The following SAG variants were observed in gnomAD, a reference collection of about 807,000 sequenced individuals.
SAG encodes S-antigen visual arrestin, also known as S-arrestin.
Under a neutral mutation model 55.0 loss-of-function variants are expected in SAG, and 45 were observed. That is an observed-to-expected ratio of 0.82 (90% CI 0.64 to 1.05). The LOEUF (loss-of-function observed/expected upper bound fraction) is 1.05, where lower values mean the gene tolerates loss of function less well. Among genes scored for constraint, SAG ranks in the 50% least tolerant of loss-of-function variants. The probability of loss-of-function intolerance (pLI) is 0.00; values close to 1 mark genes in which losing one functional copy is unlikely to be tolerated. For synonymous variants in SAG, 189 were observed against 197.4 expected, an observed-to-expected ratio of 0.96 and a Z score of 0.36; for missense variants, 455 against 512.1, an observed-to-expected ratio of 0.89 and a Z score of 1.08.
rs79922016 is a variant in SAG, at chr2:233,320,679, C to T, written c.231C>T (p.Asp77=). The change falls in exon 5 of 16, where the codon GAC becomes GAT. Residue 77 remains aspartate (D), a synonymous_variant. Coordinates refer to ENST00000409110, the MANE Select transcript of SAG (RefSeq NM_000541.5). ...CAFRYGQEDI[D]VIGLTFRRDL... ...TCCGCTATGGCCAAGAGGACATTGACGTGATCGGCTTGACCTTCCGCAGGG... is the reference window on the plus strand; with the variant it reads ...TCCGCTATGGCCAAGAGGACATTGATGTGATCGGCTTGACCTTCCGCAGGG... 1.0e-3 allele frequency: 1,613 copies of T among 1,607,144 alleles called. 13 individuals are homozygous for T. The African/African-American group carries it at 0.017, about 17-fold the overall frequency.
intron 2 of SAG, among the ~76,000 whole-genome samples, chr2:233,314,689 T>C (rs73114295): frequency 0.077 from 11,766 of 152,226 alleles, 1,259 homozygotes; most frequent in African/African-American, 0.24. Context: ...GTATAAGGTT[T>C]CCTACGGAAT....
intron 8 of SAG, 34 bp from the exon 9 acceptor site, chr2:233,329,459 T>C: frequency 7.5e-7 from 1 of 1,327,262 alleles, no homozygotes; most frequent in Non-Finnish European, 1.1e-6. Context: ...CCACATCTGT[T>C]CTCTTCTTCT....
intron 13 of SAG, 36 bp from the exon 14 acceptor site, chr2:233,342,235 T>C (rs1462037012): frequency 3.3e-6 from 5 of 1,521,032 alleles, no homozygotes; most frequent in Non-Finnish European, 4.5e-6. Context: ...ATTGTGTGTA[T>C]GGGTGTTCAC....
At chr2:233,338,778 G>A (rs754824964) in intron 12 of SAG, 25 bp downstream of exon 12, 25 of 1,594,770 alleles carry the variant, frequency 1.6e-5, no homozygotes, top group South Asian at 9.9e-5. Flanking sequence ...ACCAACCCTC[G>A]GGCTGCTCTG....
intron 11 of SAG, among the ~76,000 whole-genome samples, chr2:233,336,949 A>C (rs1700951062): frequency 6.6e-6 from 1 of 152,182 alleles, no homozygotes; most frequent in South Asian, 2.1e-4. Context: ...TTAAAACATT[A>C]GCTGGGCATG....
rs1203359647 is a variant in SAG at position 233,338,708 on chromosome 2, G to A, written c.977G>A (p.Gly326Glu). 4 of 1,613,830 alleles carry A rather than the reference G, an allele frequency of 2.5e-6. No homozygotes were observed. Among genetic ancestry groups the A allele is most frequent in the Non-Finnish European group, 3.4e-6 (4 of 1,179,896 alleles). ...IKEGIDRTVL[G>E]ILVSYQIKVK... The stretch of plus-strand genomic sequence containing the variant: ...GAGGGCATAGACCGGACCGTCCTGG[G>A]AATCCTGGTGTCTTACCAGATCAAG... The change falls in exon 12 of 16, where the codon GGA becomes GAA. Residue 326 changes from glycine (G) to glutamate (E), a missense_variant. Gly to Glu is a moderately conservative substitution (Grantham distance 98). Coordinates refer to ENST00000409110, the MANE Select transcript of SAG (RefSeq NM_000541.5).
intron 8 of SAG, chr2:233,329,097 C>T (rs748520923): frequency 2.9e-5 from 7 of 237,668 alleles, no homozygotes; most frequent in Admixed American, 5.5e-5. Flanking sequence ...GGCTCTGGTT[C>T]CTCTGGTCAG....
Position 233,346,537 on chromosome 2 carries a change from C to T in SAG, c.1112+125C>T, listed in dbSNP as rs530846648. The T allele has an allele frequency of 1.9e-5, 19 of 1,024,424 alleles. No individual in the cohort carries two copies. In the South Asian group the frequency reaches 2.4e-4, roughly 13 times the overall value. 63.5% of individuals were successfully genotyped at this position (1,024,424 alleles called of 1,614,324 possible). ...TCTCCTGCCGGCTCAGGAGGCACAT[C>T]CGCTACTTCCCGTCTGCTCCCTAGT... On this transcript the variant is annotated intron_variant, in intron 15 of 15. Coordinates refer to ENST00000409110, the MANE Select transcript of SAG (RefSeq NM_000541.5).
intron 13 of SAG, among the ~76,000 whole-genome samples, chr2:233,341,508 A>G (rs1701102105): frequency 6.6e-6 from 1 of 152,258 alleles, no homozygotes; most frequent in South Asian, 2.1e-4. Context: ...ACTGAGCCAT[A>G]AAAAGGAATG....
chr2:233,335,048 C>A lies in SAG; in HGVS notation c.893C>A (p.Ala298Asp), dbSNP rs1178388494. The A allele has an allele frequency of 6.2e-7, 1 of 1,614,022 alleles. No homozygotes were observed. The highest frequency in any genetic ancestry group is 1.1e-5 in the South Asian group (1 of 91,092). Reference sequence around the variant, plus strand: ...AACAATCGAGAAAGGAGAGGCATTGCCCTGGATGGGAAAATCAAGCACGAG... The same window carrying A: ...AACAATCGAGAAAGGAGAGGCATTGACCTGGATGGGAAAATCAAGCACGAG... ...LANNRERRGI[A>D]LDGKIKHEDT... The change falls in exon 11 of 16, where the codon GCC becomes GAC. Residue 298 changes from alanine to aspartate, a missense_variant. By Grantham distance (126) the Ala-to-Asp change is moderately radical. Coordinates refer to ENST00000409110, the MANE Select transcript of SAG (RefSeq NM_000541.5).
At chr2:233,312,035 AGAATCGCTT>A (rs1175956769) in intron 2 of SAG, among the ~76,000 whole-genome samples, 2 of 152,160 alleles carry the variant, frequency 1.3e-5, no homozygotes, top group Non-Finnish European at 2.9e-5. Flanking sequence ...CTGAGGCAGG[AGAATCGCTT>A]GAACCTGGGA....
intron 7 of SAG, 46 bp from the exon 8 acceptor site, chr2:233,328,432 C>A: frequency 1.3e-6 from 2 of 1,593,796 alleles, no homozygotes; most frequent in Non-Finnish European, 1.7e-6. Context: ...CTCCCTAAAG[C>A]GGCCTGGGTG....
chr2:233,317,202 C>A (rs545921058), intron 3 of SAG, among the ~76,000 whole-genome samples: 1 of 152,320 alleles, frequency 6.6e-6, no homozygotes, highest in Non-Finnish European at 1.5e-5. Flanking sequence ...ACCATATGAC[C>A]CAACAGTTGC....
intron 2 of SAG, among the ~76,000 whole-genome samples, chr2:233,310,571 G>A (rs917321641): frequency 1.3e-4 from 20 of 148,850 alleles, no homozygotes; most frequent in East Asian, 2.0e-4. Context: ...GTGCAGTGGC[G>A]TGATCTCAGC....
At chr2:233,339,706 C>T (rs1287494117) in intron 12 of SAG, among the ~76,000 whole-genome samples, 2 of 151,046 alleles carry the variant, frequency 1.3e-5, no homozygotes, top group African/African-American at 4.9e-5. Context: ...TGTAATCTCT[C>T]ACTCTGGAGT....
chr2:233,321,455 AC>A (rs1403170430), intron 5 of SAG, among the ~76,000 whole-genome samples: 2 of 152,238 alleles, frequency 1.3e-5, no homozygotes, highest in Admixed American at 1.3e-4. Flanking sequence ...GTTCTGTGCT[AC>A]ACCATGGATG....
Position 233,338,710 on chromosome 2 carries a change from A to G in SAG, c.979A>G (p.Ile327Val), listed in dbSNP as rs1477450579. The part of the protein sequence containing the change: ...KEGIDRTVLG[I>V]LVSYQIKVKL... ...GGGCATAGACCGGACCGTCCTGGGA[A>G]TCCTGGTGTCTTACCAGATCAAGGT... is the stretch of plus-strand genomic sequence containing the variant. Residue 327 changes from isoleucine (I) to valine (V), a missense_variant, in exon 12 of 16, where the codon ATC becomes GTC. Physicochemically the swap from Ile to Val is conservative, Grantham distance 29. Coordinates refer to ENST00000409110, the MANE Select transcript of SAG (RefSeq NM_000541.5). 2 of 1,613,842 alleles carry G rather than the reference A, an allele frequency of 1.2e-6. No homozygotes were observed. The highest frequency in any genetic ancestry group is 2.2e-5 in the South Asian group (2 of 91,086).
chr2:233,345,710 G>A (rs1334144404), intron 14 of SAG: 2 of 152,306 alleles, frequency 1.3e-5, no homozygotes, highest in African/African-American at 4.8e-5. Context: ...AACAGAGCAA[G>A]ATGCCATCTC....
chr2:233,342,304 G>A lies in SAG; in HGVS notation c.1080G>A (p.Met360Ile). ...EVATEVPFRL[M>I]HPQPEDPAKE... Reference sequence around the variant, plus strand: ...CCACTGAGGTCCCATTCCGCCTCATGCACCCTCAGCCTGAGGACCCAGGTC... The same window carrying A: ...CCACTGAGGTCCCATTCCGCCTCATACACCCTCAGCCTGAGGACCCAGGTC... The change falls in exon 14 of 16, where the codon ATG becomes ATA. Residue 360 changes from methionine (M) to isoleucine (I), a missense_variant. By Grantham distance (10) the Met-to-Ile change is conservative. Coordinates refer to ENST00000409110, the MANE Select transcript of SAG (RefSeq NM_000541.5). 6.2e-7 allele frequency: 1 copy of A among 1,608,756 alleles called. No individual in the cohort carries two copies. The highest frequency in any genetic ancestry group is 2.2e-5 in the East Asian group (1 of 44,796).
Sources: allele counts gnomAD v4.1 joint callset (sites outside exome capture counted in the v4.1 genomes callset), GRCh38; gene constraint gnomAD v4.1.1; transcripts MANE v1.5; gene names NCBI Gene and HGNC (gene_info 2026-07-23, HGNC 2026-07-21).